Variants in ERICH1 observed in about 807,000 individuals in gnomAD.
ERICH1 encodes glutamate-rich protein 1.
A neutral mutation model predicts 39.6 loss-of-function variants in ERICH1; 56 were observed. The observed-to-expected ratio is 1.41, with a 90% CI of 1.14 to 1.77. The LOEUF (loss-of-function observed/expected upper bound fraction) is 1.77. Ranked by LOEUF, ERICH1 falls within the 40% of genes most tolerant of loss-of-function variation. The pLI, the probability that ERICH1 is intolerant of heterozygous loss-of-function variation, is 0.00. For missense variants in ERICH1, 826 were observed against 575.4 expected (o/e 1.44, Z -4.45); for synonymous variants, 313 against 223.6 (o/e 1.40, Z -3.57).
At chr8:685,818 G>C (rs903624100) in intron 3 of ERICH1, among the ~76,000 whole-genome samples, 1 of 151,952 alleles carries the variant, frequency 6.6e-6, no homozygotes, top group African/African-American at 2.4e-5. Context: ...ATTCCTGAGA[G>C]TCTCTTCAGC....
chr8:711,817 T>C (rs1360727040), intron 2 of ERICH1, among the ~76,000 whole-genome samples: 5 of 152,162 alleles, frequency 3.3e-5, no homozygotes, highest in Non-Finnish European at 5.9e-5. Context: ...TTTAGTAAGA[T>C]TTTTTTGTGA....
intron 2 of ERICH1, among the ~76,000 whole-genome samples, chr8:693,571 C>T (rs1033496345): frequency 4.6e-5 from 7 of 152,310 alleles, no homozygotes; most frequent in Non-Finnish European, 7.3e-5. Context: ...TGGACAGCTG[C>T]TGGGACCTCC....
intron 3 of ERICH1, chr8:615,900 G>C (rs1333608759): frequency 6.6e-6 from 1 of 152,352 alleles, no homozygotes; most frequent in African/African-American, 2.4e-5. Context: ...AATACGCTGT[G>C]GTCTCATGCA....
At chr8:726,377 T>C (rs1462805302) in intron 1 of ERICH1, among the ~76,000 whole-genome samples, 3 of 151,298 alleles carry the variant, frequency 2.0e-5, no homozygotes, top group Non-Finnish European at 4.4e-5. Flanking sequence ...CGCACATGCA[T>C]GCATAGACAC....
intron 4 of ERICH1, among the ~76,000 whole-genome samples, chr8:671,250 C>T (rs13281912): frequency 5.6e-5 from 6 of 106,836 alleles, no homozygotes; most frequent in East Asian, 3.0e-4. Flanking sequence ...CCTCTGAACC[C>T]GCTGGCCCCT....
intron 2 of ERICH1, 121 bp downstream of exon 2, chr8:715,740 G>GCCCTCTGCAGA (rs1563338736): frequency 1.5e-6 from 2 of 1,343,618 alleles, no homozygotes; most frequent in Non-Finnish European, 2.0e-6. Flanking sequence ...CCTGCTGCAG[G>GCCCTCTGCAGA]CCCTCTGCAG....
intron 2 of ERICH1, among the ~76,000 whole-genome samples, chr8:693,885 GGGGCAGGTGC>G (rs1443794335): frequency 2.0e-5 from 3 of 152,220 alleles, no homozygotes; most frequent in African/African-American, 7.2e-5. Context: ...GCTGGTTTAG[GGGGCAGGTGC>G]TTTTGCCCGC....
intron 2 of ERICH1, among the ~76,000 whole-genome samples, chr8:708,702 T>TTTTTTTTTTG (rs1814005178): frequency 8.8e-6 from 1 of 113,970 alleles, no homozygotes; most frequent in East Asian, 3.5e-4. Context: ...TTTTTTTTTT[T>TTTTTTTTTTG]TTTTTTTTTG....
intron 3 of ERICH1, among the ~76,000 whole-genome samples, chr8:617,503 C>A (rs757556317): frequency 8.6e-5 from 13 of 151,952 alleles, no homozygotes; most frequent in Non-Finnish European, 1.6e-4. Context: ...CCTCTGAATG[C>A]TGAGGGCTTG....
chr8:731,146 T>G lies in ERICH1; in HGVS notation c.16A>C (p.Lys6Gln), dbSNP rs369437723. The change falls in exon 1 of 6, where the codon AAG becomes CAG. Residue 6 changes from lysine to glutamine, a missense_variant. Coordinates refer to ENST00000262109, the MANE Select transcript of ERICH1 (RefSeq NM_207332.3). ...CCGCACCGCACCCACCTACCGTGCT[T>G]CCTGTGCGCCGCCATGCGGGACCCT... is the stretch of plus-strand genomic sequence containing the variant. The part of the protein sequence containing the change: MAAHR[K>Q]HVFVEKVLQR... The G allele has an allele frequency of 1.5e-4, 223 of 1,520,698 alleles. No homozygotes were observed. Among genetic ancestry groups the G allele is most frequent in the Admixed American group, 7.8e-4 (39 of 49,988 alleles). The allele number at this position is 1,520,698 out of a possible 1,614,324, so 94.2% of individuals were successfully genotyped here. A position where few individuals can be genotyped will look rare whatever the true frequency, so the allele number is the denominator to read the frequency against.
intron 1 of ERICH1, among the ~76,000 whole-genome samples, chr8:724,436 G>A (rs1339491517): frequency 6.6e-6 from 1 of 152,200 alleles, no homozygotes; most frequent in African/African-American, 2.4e-5. Context: ...TTCACGGGCG[G>A]CTGCAATAGT....
intron 1 of ERICH1, among the ~76,000 whole-genome samples, chr8:720,153 G>A (rs141431888): frequency 1.3e-5 from 2 of 152,330 alleles, no homozygotes; most frequent in African/African-American, 4.8e-5. Flanking sequence ...AAGAGGACTT[G>A]GAGGAAGAGG....
intron 1 of ERICH1, among the ~76,000 whole-genome samples, 194 bp downstream of exon 1, chr8:730,946 C>G (rs570529827): frequency 2.0e-5 from 3 of 152,190 alleles, no homozygotes; most frequent in Middle Eastern, 3.4e-3. Flanking sequence ...CAAGCAACAA[C>G]ACGGGCGAGG....
intron 3 of ERICH1, among the ~76,000 whole-genome samples, chr8:684,840 G>A (rs906768981): frequency 7.2e-5 from 11 of 152,194 alleles, no homozygotes; most frequent in African/African-American, 2.7e-4. Context: ...TTTCAAAGGG[G>A]AGGGAGTGTA....
intron 2 of ERICH1, among the ~76,000 whole-genome samples, chr8:715,271 G>C (rs1326817469): frequency 6.6e-6 from 1 of 152,230 alleles, no homozygotes; most frequent in Non-Finnish European, 1.5e-5. Context: ...TCTCTCAGTG[G>C]GATGTGCTGC....
At chr8:682,722 C>T (rs1173934530) in intron 3 of ERICH1, among the ~76,000 whole-genome samples, 1 of 152,248 alleles carries the variant, frequency 6.6e-6, no homozygotes, top group Non-Finnish European at 1.5e-5. Flanking sequence ...TTGACACCTA[C>T]ATTCTGATGA....
chr8:646,116 G>A lies in ERICH1; in HGVS notation c.976+22482C>T, dbSNP rs1165636891. On this transcript the variant is annotated intron_variant, in intron 3 of 3. Transcript: ENST00000522706. ...TTTGGCATTGGCCTTGCAAGATGGC[G>A]GCTATCATCAAAAGTTATCAAAACT... is the stretch of plus-strand genomic sequence containing the variant. 5.8e-5 allele frequency among the ~76,000 whole-genome samples: 4 copies of A among 68,688 alleles called. 2 individuals carry two copies. Among genetic ancestry groups the A allele is most frequent in the Admixed American group, 2.5e-4 (2 of 7,992 alleles). The allele number at this position is 68,688 out of a possible 152,430, so 45.1% of individuals were successfully genotyped here.
At chr8:706,639 C>T (rs1020963899) in intron 2 of ERICH1, among the ~76,000 whole-genome samples, 15 of 151,982 alleles carry the variant, frequency 9.9e-5, no homozygotes, top group South Asian at 2.1e-4. Context: ...ATTAGTCGGA[C>T]GTGGTGGCAC....
At chr8:728,745 C>T (rs1383805207) in intron 1 of ERICH1, among the ~76,000 whole-genome samples, 3 of 152,172 alleles carry the variant, frequency 2.0e-5, no homozygotes, top group Non-Finnish European at 2.9e-5. Context: ...AAATATCCTC[C>T]GGTGCTATAC....
Sources: gnomAD v4.1 joint callset for allele counts (sites outside exome capture counted in the v4.1 genomes callset) on GRCh38, gnomAD v4.1.1 for gene constraint, MANE v1.5 for transcripts, NCBI Gene and HGNC (gene_info 2026-07-23, HGNC 2026-07-21) for gene names.